ROBO1: variants seen among roughly 807,000 people sequenced by gnomAD.
ROBO1 encodes roundabout homolog 1.
In ROBO1, 149 loss-of-function variants were observed where a neutral mutation model predicts 195.9. That is an observed-to-expected ratio of 0.76 (90% CI 0.67 to 0.87). ROBO1 has a LOEUF of 0.87. Ranked by LOEUF, ROBO1 falls within the 40% of genes least tolerant of loss-of-function variation. ROBO1 has a pLI of 0.00. For synonymous variants in ROBO1, 816 were observed against 733.2 expected (o/e 1.11, Z -1.82); for missense variants, 1,933 against 2,068.3 (o/e 0.93, Z 1.27).
chr3:79,031,413 TA>T (rs1296666683), intron 3 of ROBO1, among the ~76,000 whole-genome samples: 1 of 152,184 alleles, frequency 6.6e-6, no homozygotes, highest in Non-Finnish European at 1.5e-5. Context: ...TCAGGCAACT[TA>T]AAAGTTAGTT....
intron 2 of ROBO1, among the ~76,000 whole-genome samples, chr3:79,398,243 C>G (rs1237247616): frequency 1.3e-5 from 2 of 151,990 alleles, no homozygotes; most frequent in Non-Finnish European, 2.9e-5. Flanking sequence ...AATAAGCTAT[C>G]ACATAATTTA....
At chr3:79,097,622 G>T (rs567902469) in intron 3 of ROBO1, among the ~76,000 whole-genome samples, 90 of 151,802 alleles carry the variant, frequency 5.9e-4, no homozygotes, top group African/African-American at 2.1e-3. Flanking sequence ...TAAAAGACTA[G>T]CACATTAATC....
intron 21 of ROBO1, among the ~76,000 whole-genome samples, chr3:78,645,420 T>TA (rs1706215751): frequency 6.7e-6 from 1 of 149,714 alleles, no homozygotes; most frequent in Non-Finnish European, 1.5e-5. Context: ...TTTTTTTTTT[T>TA]TACACTGTAA....
intron 2 of ROBO1, among the ~76,000 whole-genome samples, chr3:79,491,445 G>A (rs1469200756): frequency 6.6e-6 from 1 of 152,094 alleles, no homozygotes; most frequent in African/African-American, 2.4e-5. Flanking sequence ...AACAAATGGG[G>A]GAGCAGAAAT....
At chr3:78,637,708 T>C (rs2107543197) in intron 22 of ROBO1, among the ~76,000 whole-genome samples, 1 of 152,270 alleles carries the variant, frequency 6.6e-6, no homozygotes, top group East Asian at 1.9e-4. Flanking sequence ...CATGAGTATC[T>C]ATCTGTCTAG....
rs367682168 is a variant in ROBO1, at chr3:79,213,879, G to T, written c.89-88340C>A. The stretch of plus-strand genomic sequence containing the variant: ...CTCATTCTGTCACCCAGGCTGAAGT[G>T]CAGTGGCACAATCTCGGCTCACTGC... On this transcript the variant is annotated intron_variant, in intron 2 of 30. Coordinates refer to ENST00000464233, the MANE Select transcript of ROBO1 (RefSeq NM_002941.4). Among the ~76,000 whole-genome samples the T allele has an allele frequency of 8.9e-5, 12 of 134,598 alleles. No homozygotes were observed. The East Asian group carries it at 2.7e-3, about 31-fold the overall frequency. The allele number at this position is 134,598 out of a possible 152,430, so 88.3% of individuals were successfully genotyped here.
At chr3:79,433,495 C>G (rs952682475) in intron 2 of ROBO1, among the ~76,000 whole-genome samples, 1 of 151,996 alleles carries the variant, frequency 6.6e-6, no homozygotes. Context: ...CACTCCTAGA[C>G]TCAAGCAATC....
In ROBO1 at chr3:78,691,362, G is replaced by GT. The variant is rs1396522279; in HGVS notation, c.1046-2591dup. On this transcript the variant is annotated intron_variant, in intron 8 of 30. Transcript: ENST00000464233. ...TTACCAAGATCATTTATGTTCAGGG[G>GT]TAAAAATTTGGAAAATTAGACAAAG... Among the ~76,000 whole-genome samples, 5 of 151,980 alleles carry GT rather than the reference G, an allele frequency of 3.3e-5. No homozygotes were observed. The East Asian group carries it at 9.7e-4, about 29-fold the overall frequency.
intron 2 of ROBO1, among the ~76,000 whole-genome samples, chr3:79,501,933 C>CTA (rs1215012338): frequency 2.6e-5 from 4 of 152,306 alleles, no homozygotes; most frequent in Non-Finnish European, 4.4e-5. Context: ...GTTAACAACA[C>CTA]TATACTGAGA....
chr3:79,163,373 G>A (rs2081007556), intron 2 of ROBO1, among the ~76,000 whole-genome samples: 1 of 152,080 alleles, frequency 6.6e-6, no homozygotes, highest in African/African-American at 2.4e-5. Flanking sequence ...TCCTTTTTAA[G>A]GCTGAATGAT....
At chr3:79,341,683 T>A (rs115072900) in intron 2 of ROBO1, among the ~76,000 whole-genome samples, 2,824 of 152,202 alleles carry the variant, frequency 0.019, 86 homozygotes, top group African/African-American at 0.063. Context: ...ATTATGGTAT[T>A]TACTCCAACT....
intron 3 of ROBO1, among the ~76,000 whole-genome samples, chr3:78,974,960 A>AT (rs2076853279): frequency 6.6e-6 from 1 of 152,190 alleles, no homozygotes; most frequent in Non-Finnish European, 1.5e-5. Context: ...GTGTTCAATA[A>AT]TTTTTTCCCC....
At chr3:78,804,090 C>A (rs1039606313) in intron 4 of ROBO1, among the ~76,000 whole-genome samples, 6 of 152,150 alleles carry the variant, frequency 3.9e-5, no homozygotes, top group Non-Finnish European at 8.8e-5. Context: ...CTGAAGCTAA[C>A]AAATCTCCGC....
chr3:79,457,670 T>C (rs1273539890), intron 2 of ROBO1, among the ~76,000 whole-genome samples: 1 of 152,104 alleles, frequency 6.6e-6, no homozygotes, highest in Admixed American at 6.6e-5. Context: ...CTTGAATAAG[T>C]CTCACAAGAT....
At chr3:78,668,099 A>T (rs749244951) in intron 13 of ROBO1, 35 bp downstream of exon 13, 1 of 1,611,078 alleles carries the variant, frequency 6.2e-7, no homozygotes, top group Non-Finnish European at 8.5e-7. Context: ...GGAGAATCAA[A>T]AAAGAACAAC....
In ROBO1 at chr3:78,714,462, G is replaced by T; in HGVS notation, c.980C>A (p.Ser327Ter). ...CATATTTTCTGCAACACAAGTGTAT[G>T]AACCCATGTCACCAGCTGTCACCTT... ...IRKVTAGDMG[S>*]YTCVAENMVG... is the part of the protein sequence containing the mutation. The change falls in exon 8 of 31, where the codon TCA becomes TAA. Residue 327 changes from serine (S) to a stop codon, truncating the protein, a stop_gained. Coordinates refer to ENST00000464233, the MANE Select transcript of ROBO1 (RefSeq NM_002941.4). LOFTEE classifies it high-confidence loss of function. 6.2e-7 allele frequency: 1 copy of T among 1,613,148 alleles called. No individual in the cohort carries two copies. Among genetic ancestry groups the T allele is most frequent in the Non-Finnish European group, 8.5e-7 (1 of 1,179,410 alleles).
chr3:79,054,824 C>T (rs2078772631), intron 3 of ROBO1, among the ~76,000 whole-genome samples: 1 of 152,072 alleles, frequency 6.6e-6, no homozygotes, highest in Non-Finnish European at 1.5e-5. Context: ...TGGGGCCAGT[C>T]CCAGGCCCCA....
intron 1 of ROBO1, among the ~76,000 whole-genome samples, chr3:79,672,918 G>C (rs1450820478): frequency 6.6e-6 from 1 of 151,932 alleles, no homozygotes; most frequent in Non-Finnish European, 1.5e-5. Context: ...TGGAAGCTCA[G>C]AGTGATAGCC....
chr3:79,192,889 G>A (rs1294723012), intron 2 of ROBO1, among the ~76,000 whole-genome samples: 1 of 151,666 alleles, frequency 6.6e-6, no homozygotes, highest in Non-Finnish European at 1.5e-5. Context: ...TTCACCTAGA[G>A]TTCAGAATAT....
Sources: gnomAD v4.1 joint callset for allele counts (sites outside exome capture counted in the v4.1 genomes callset) on GRCh38, gnomAD v4.1.1 for gene constraint, MANE v1.5 for transcripts, NCBI Gene and HGNC (gene_info 2026-07-23, HGNC 2026-07-21) for gene names.